ELL2: variants seen among roughly 807,000 people sequenced by gnomAD.
The protein encoded by ELL2 is RNA polymerase II elongation factor ELL2.
In ELL2, 21 loss-of-function variants were observed where a neutral mutation model predicts 72.8. That is an observed-to-expected ratio of 0.29 (90% CI 0.20 to 0.42). The LOEUF (loss-of-function observed/expected upper bound fraction) is 0.42. ELL2 is among the 10% of genes least tolerant of loss of function. The pLI is 1.00. For missense variants in ELL2, 568 were observed against 772.8 expected, an observed-to-expected ratio of 0.73 and a Z score of 3.14; for synonymous variants, 266 against 283.2, an observed-to-expected ratio of 0.94 and a Z score of 0.61.
chr5:95,901,235 C>T (rs1749126594), intron 5 of ELL2, 155 bp from the exon 6 acceptor site: 2 of 683,752 alleles, frequency 2.9e-6, no homozygotes, highest in African/African-American at 3.7e-5. Context: ...TCAATAAATG[C>T]CATTAACTTC....
At position 95,940,907 on chromosome 5, in the gene ELL2, T is replaced by TCC. The variant is rs1750944920; in HGVS notation, c.195+2093_195+2094dup. 3.9e-5 allele frequency among the ~76,000 whole-genome samples: 6 copies of TCC among 152,022 alleles called. No homozygotes were observed. The South Asian group carries it at 1.3e-3, about 32-fold the overall frequency. ...CTGTGGGCTGTGCCAACCCACTCTCTCCCCAGTAATGACTCTTTGTTTTTA... is the reference window on the plus strand; with the variant it reads ...CTGTGGGCTGTGCCAACCCACTCTCTCCCCCCAGTAATGACTCTTTGTTTTTA... On this transcript the variant is annotated intron_variant, in intron 2 of 11. Coordinates refer to ENST00000237853, the MANE Select transcript of ELL2 (RefSeq NM_012081.6).
At chr5:95,940,655 CAAAT>C (rs1473507093) in intron 2 of ELL2, among the ~76,000 whole-genome samples, 5 of 151,966 alleles carry the variant, frequency 3.3e-5, no homozygotes, top group South Asian at 2.1e-4. Flanking sequence ...TGTAAAAAGA[CAAAT>C]AAAATTTCTC....
At chr5:95,950,950 A>G (rs1014576567) in intron 1 of ELL2, among the ~76,000 whole-genome samples, 1 of 112,264 alleles carries the variant, frequency 8.9e-6, no homozygotes, top group African/African-American at 3.8e-5. Flanking sequence ...ATATATATAT[A>G]TATAAAATCT....
At position 95,886,706 on chromosome 5, in the gene ELL2, G is replaced by A. The variant is rs1748477928; in HGVS notation, c.*2165C>T. The A allele has an allele frequency of 6.8e-6, 1 of 147,804 alleles. No homozygotes were observed. Among genetic ancestry groups the A allele is most frequent in the Non-Finnish European group, 1.5e-5 (1 of 67,384 alleles). 9.2% of individuals were successfully genotyped at this position (147,804 alleles called of 1,614,324 possible). On this transcript the variant is annotated 3_prime_UTR_variant, in exon 12 of 12. Transcript: ENST00000237853. The stretch of plus-strand genomic sequence containing the variant: ...GTTGACCTTCAGTTCAAGATTTCAA[G>A]ATTTACAGACCTAAAAGTTTAGAAC...
intron 1 of ELL2, among the ~76,000 whole-genome samples, chr5:95,950,027 A>G (rs2112355743): frequency 6.6e-6 from 1 of 152,302 alleles, no homozygotes; most frequent in East Asian, 1.9e-4. Flanking sequence ...AGCATTTTAT[A>G]TAGTTAGTCT....
rs758313641 is a variant in ELL2, at chr5:95,891,259, G to A, written c.1605C>T (p.Ile535=). 1.1e-5 allele frequency: 17 copies of A among 1,607,266 alleles called. No individual in the cohort carries two copies. Among genetic ancestry groups the A allele is most frequent in the African/African-American group, 4.0e-5 (3 of 74,598 alleles). ...LPDYLIKYIA[I]VSYEQRQNYK... The stretch of plus-strand genomic sequence containing the variant: ...AATTCTGGCGTTGCTCATAGGAGAC[G>A]ATAGCGATATATTTTCTAATAAGAA... The change falls in exon 10 of 12, where the codon ATC becomes ATT. Residue 535 remains isoleucine, a synonymous_variant. Transcript: ENST00000237853.
intron 2 of ELL2, among the ~76,000 whole-genome samples, chr5:95,940,556 C>A (rs3822750): frequency 0.31 from 47,367 of 151,928 alleles, 8,768 homozygotes; most frequent in African/African-American, 0.52. Flanking sequence ...AGTTTTAAAA[C>A]GATATTTTAA....
chr5:95,892,497 A>G (rs1255223302), intron 9 of ELL2, among the ~76,000 whole-genome samples: 12 of 152,124 alleles, frequency 7.9e-5, no homozygotes. Context: ...CTGGGATCAC[A>G]TAAGGAACTG....
intron 1 of ELL2, among the ~76,000 whole-genome samples, chr5:95,959,155 C>T (rs1751721797): frequency 6.6e-6 from 1 of 152,184 alleles, no homozygotes; most frequent in Non-Finnish European, 1.5e-5. Context: ...CTTCGCTTTC[C>T]CTTCCCCAAG....
At chr5:95,942,498 T>TAA (rs530236844) in intron 2 of ELL2, among the ~76,000 whole-genome samples, 196 of 152,292 alleles carry the variant, frequency 1.3e-3, no homozygotes, top group Non-Finnish European at 2.6e-3. Flanking sequence ...ATTGTGCTTT[T>TAA]AAATGCAGTA....
chr5:95,909,486 A>C (rs1749499027), intron 4 of ELL2, among the ~76,000 whole-genome samples: 1 of 152,254 alleles, frequency 6.6e-6, no homozygotes, highest in Non-Finnish European at 1.5e-5. Flanking sequence ...CTACAGATGA[A>C]GAAAACATCA....
rs546948042 is a variant in ELL2 at position 95,961,683 on chromosome 5, C to T, written c.39G>A (p.Gln13=). 1 of 1,606,280 alleles carries T rather than the reference C, an allele frequency of 6.2e-7. No individual in the cohort carries two copies. The highest frequency in any genetic ancestry group is 1.7e-5 in the Admixed American group (1 of 59,530). The change falls in exon 1 of 12, where the codon CAG becomes CAA. Residue 13 remains glutamine, a synonymous_variant. Coordinates refer to ENST00000237853, the MANE Select transcript of ELL2 (RefSeq NM_012081.6). Reference sequence around the variant, plus strand: ...GCCGTCCGCACGACAGCCCATAGCGCTGCTCCTCCCGCAGGCCCCCTGTCC... The same window carrying T: ...GCCGTCCGCACGACAGCCCATAGCGTTGCTCCTCCCGCAGGCCCCCTGTCC... The part of the protein sequence containing the change: ...AGGTGGLREE[Q]RYGLSCGRLG...
chr5:95,900,707 C>T lies in ELL2; in HGVS notation c.940G>A (p.Val314Ile). 1.9e-6 allele frequency: 3 copies of T among 1,597,894 alleles called. No individual in the cohort carries two copies. The highest frequency in any genetic ancestry group is 2.6e-6 in the Non-Finnish European group (3 of 1,172,918). ...ESPVCSSRDAVSSPQKRLLDS... is the reference protein window; with the variant it reads ...ESPVCSSRDAISSPQKRLLDS... ...TTATGACATACCTGAGGAGAAGATACAGCGTCTCTACTAGAACATACAGGA... is the reference window on the plus strand; with the variant it reads ...TTATGACATACCTGAGGAGAAGATATAGCGTCTCTACTAGAACATACAGGA... Residue 314 changes from valine to isoleucine, a missense_variant, in exon 7 of 12, where the codon GTA becomes ATA. Physicochemically the swap from Val to Ile is conservative, Grantham distance 29 (BLOSUM62 3). This residue lies in a region of ELL2 where 511 missense variants were observed against 728.4 expected (regional missense o/e 0.70). Coordinates refer to ENST00000237853, the MANE Select transcript of ELL2 (RefSeq NM_012081.6).
At chr5:95,904,394 A>C (rs1366667187) in intron 5 of ELL2, among the ~76,000 whole-genome samples, 5 of 152,234 alleles carry the variant, frequency 3.3e-5, no homozygotes, top group African/African-American at 9.6e-5. Context: ...TAGTTTTTCC[A>C]TAAAAGGTCA....
intron 1 of ELL2, 35 bp downstream of exon 1, chr5:95,961,540 C>T (rs750695579): frequency 3.3e-6 from 5 of 1,533,688 alleles, no homozygotes; most frequent in East Asian, 2.6e-5. Flanking sequence ...TGCGCTCTGC[C>T]TCTCTGAGCC....
intron 2 of ELL2, among the ~76,000 whole-genome samples, chr5:95,925,451 A>T (rs1750249680): frequency 6.6e-6 from 1 of 152,158 alleles, no homozygotes; most frequent in Admixed American, 6.5e-5. Flanking sequence ...ATACTAACAT[A>T]TTATGTTTAT....
chr5:95,898,297 G>A lies in ELL2; in HGVS notation c.1468C>T (p.Leu490Phe). The A allele has an allele frequency of 6.2e-7, 1 of 1,612,480 alleles. No individual in the cohort carries two copies. The highest frequency in any genetic ancestry group is 8.5e-7 in the Non-Finnish European group (1 of 1,179,610). The change falls in exon 8 of 12, where the codon CTT becomes TTT. Residue 490 changes from leucine to phenylalanine, a missense_variant. Leu to Phe is a conservative substitution (Grantham distance 22, BLOSUM62 0). Transcript: ENST00000237853. Reference protein sequence around the residue: ...IETIEEKEEDLKREEEIAKLN... With the variant: ...IETIEEKEEDFKREEEIAKLN... Reference sequence around the variant, plus strand: ...TTGGCAATTTCCTCTTCTCTCTTAAGATCTTCCTCCTTTTCCTCAATAGTC... The same window carrying A: ...TTGGCAATTTCCTCTTCTCTCTTAAAATCTTCCTCCTTTTCCTCAATAGTC...
chr5:95,933,410 A>C (rs1358272369), intron 2 of ELL2, among the ~76,000 whole-genome samples: 1 of 152,220 alleles, frequency 6.6e-6, no homozygotes, highest in East Asian at 1.9e-4. Flanking sequence ...ATGATAGTGC[A>C]TCCATAAAAT....
At chr5:95,940,998 C>T (rs1011066449) in intron 2 of ELL2, among the ~76,000 whole-genome samples, 1 of 152,012 alleles carries the variant, frequency 6.6e-6, no homozygotes, top group African/African-American at 2.4e-5. Context: ...TGGAATGCAG[C>T]TGCAGGCTCT....
Sources: gnomAD v4.1 joint callset for allele counts (sites outside exome capture counted in the v4.1 genomes callset) on GRCh38, gnomAD v4.1.1 for gene constraint, gnomAD v4.1.1 regional missense constraint, MANE v1.5 for transcripts, NCBI Gene and HGNC (gene_info 2026-07-23, HGNC 2026-07-21) for gene names.